The following GRIP1 variants were observed in gnomAD, a reference collection of about 807,000 sequenced individuals.
The protein encoded by GRIP1 is glutamate receptor interacting protein 1.
A neutral mutation model predicts 129.9 loss-of-function variants in GRIP1; 45 were observed. The observed-to-expected ratio is 0.35, with a 90% CI of 0.27 to 0.44. The LOEUF is 0.44. GRIP1 is among the 20% of genes least tolerant of loss of function. The probability of loss-of-function intolerance (pLI) is 1.00; values close to 1 mark genes in which losing one functional copy is unlikely to be tolerated. For missense variants in GRIP1, 1,196 were observed against 1,396.8 expected, an observed-to-expected ratio of 0.86 and a Z score of 2.29; for synonymous variants, 530 against 520.8, an observed-to-expected ratio of 1.02 and a Z score of -0.24.
intron 1 of GRIP1, among the ~76,000 whole-genome samples, chr12:66,928,455 T>G (rs2041332330): frequency 6.6e-6 from 1 of 152,226 alleles, no homozygotes; most frequent in African/African-American, 2.4e-5. Context: ...AAGCCCTTTC[T>G]TTGAATTGAC....
At chr12:66,856,727 G>A (rs796416898) in intron 1 of GRIP1, among the ~76,000 whole-genome samples, 1 of 151,398 alleles carries the variant, frequency 6.6e-6, no homozygotes, top group Non-Finnish European at 1.5e-5. Context: ...GAAACAACAG[G>A]TGCTGGAGAG....
chr12:66,497,495 T>C (rs182053872), intron 7 of GRIP1, among the ~76,000 whole-genome samples: 2 of 151,884 alleles, frequency 1.3e-5, no homozygotes, highest in Non-Finnish European at 2.9e-5. Context: ...AACAAGAGCA[T>C]TGGGAATCAA....
At position 66,909,138 on chromosome 12, in the gene GRIP1, TTCTC is replaced by T. The variant is rs763170322; in HGVS notation, c.58+159908_58+159911del. On this transcript the variant is annotated intron_variant, in intron 1 of 1. Transcript: ENST00000643019. ...TAATCTTTTTGAAAAATCTCCTTCC[TTCTC>T]TCTATCCTTGTTATCATTCATGTCT... Among the ~76,000 whole-genome samples, 25 of 152,366 alleles carry T rather than the reference TTCTC, an allele frequency of 1.6e-4. No homozygotes were observed. The East Asian group carries it at 4.2e-3, about 26-fold the overall frequency.
At chr12:66,792,088 T>C (rs1037410860) in intron 1 of GRIP1, among the ~76,000 whole-genome samples, 7 of 152,062 alleles carry the variant, frequency 4.6e-5, no homozygotes, top group Admixed American at 2.0e-4. Flanking sequence ...GATACAAAAA[T>C]AGAGAAAGAA....
At chr12:66,562,744 C>G (rs760423692) in intron 2 of GRIP1, among the ~76,000 whole-genome samples, 7 of 152,116 alleles carry the variant, frequency 4.6e-5, no homozygotes, top group Non-Finnish European at 1.0e-4. Flanking sequence ...ACCCCCGACC[C>G]CCTGCCGCAC....
At chr12:66,362,142 CTTTTTTTTTTT>C (rs10589880) in intron 23 of GRIP1, among the ~76,000 whole-genome samples, 1 of 91,682 alleles carries the variant, frequency 1.1e-5, no homozygotes, top group Non-Finnish European at 2.0e-5. Context: ...CCAATTTAAT[CTTTTTTTTTTT>C]TTTTTTTTTT....
chr12:66,452,084 C>T (rs17245927), intron 11 of GRIP1, among the ~76,000 whole-genome samples: 35,093 of 152,148 alleles, frequency 0.23, 4,532 homozygotes, highest in Middle Eastern at 0.42. Context: ...TACTCTTTGC[C>T]GCAATTCAGG....
intron 6 of GRIP1, among the ~76,000 whole-genome samples, chr12:66,516,732 G>A (rs2060854596): frequency 6.6e-6 from 1 of 152,164 alleles, no homozygotes; most frequent in Admixed American, 6.6e-5. Context: ...GAAGGGAAAA[G>A]GGGAAACTCT....
intron 1 of GRIP1, among the ~76,000 whole-genome samples, chr12:66,640,527 T>G (rs2031827646): frequency 6.6e-6 from 1 of 152,204 alleles, no homozygotes; most frequent in African/African-American, 2.4e-5. Context: ...CGAAGTTGAT[T>G]TTGAGAGTGA....
intron 1 of GRIP1, among the ~76,000 whole-genome samples, chr12:66,670,498 A>C (rs912028309): frequency 2.6e-5 from 4 of 152,164 alleles, no homozygotes; most frequent in African/African-American, 9.7e-5. Flanking sequence ...TCAGATTTGC[A>C]GGGGTGTTCA....
At chr12:66,910,030 A>C (rs147104987) in intron 1 of GRIP1, among the ~76,000 whole-genome samples, 13 of 152,298 alleles carry the variant, frequency 8.5e-5, no homozygotes, top group African/African-American at 2.2e-4. Flanking sequence ...ATTTAATCAA[A>C]GTCTTCTTTT....
chr12:66,458,167 C>G (rs931397027), intron 9 of GRIP1, among the ~76,000 whole-genome samples: 4 of 152,168 alleles, frequency 2.6e-5, no homozygotes, highest in Non-Finnish European at 5.9e-5. Context: ...CCTAAACCAT[C>G]TGGTCTGCTC....
intron 1 of GRIP1, among the ~76,000 whole-genome samples, chr12:67,054,693 G>A (rs1241092800): frequency 2.0e-5 from 3 of 151,926 alleles, no homozygotes; most frequent in Non-Finnish European, 4.4e-5. Flanking sequence ...GAACCCGGGA[G>A]GTAGAGGCTG....
chr12:66,762,628 A>G (rs868356365), intron 1 of GRIP1, among the ~76,000 whole-genome samples: 1 of 152,176 alleles, frequency 6.6e-6, no homozygotes, highest in African/African-American at 2.4e-5. Flanking sequence ...GGTTCAATTC[A>G]ATTCTACAAA....
intron 1 of GRIP1, among the ~76,000 whole-genome samples, chr12:66,608,302 C>T (rs112551041): frequency 0.035 from 5,389 of 152,192 alleles, 111 homozygotes; most frequent in Middle Eastern, 0.058. Flanking sequence ...AAACACAAAA[C>T]CTCACAAAAG....
intron 1 of GRIP1, among the ~76,000 whole-genome samples, chr12:66,887,499 A>T (rs553389363): frequency 3.2e-4 from 48 of 152,280 alleles, no homozygotes; most frequent in African/African-American, 1.2e-3. Context: ...TAGTACTGTT[A>T]TCATTTCTAG....
chr12:66,635,760 C>A (rs2031300373), intron 1 of GRIP1, among the ~76,000 whole-genome samples: 1 of 152,018 alleles, frequency 6.6e-6, no homozygotes, highest in East Asian at 1.9e-4. Context: ...ATACCAGTTA[C>A]CCATTAAAAA....
chr12:66,536,528 C>A (rs1179956376), intron 4 of GRIP1, among the ~76,000 whole-genome samples: 1 of 152,172 alleles, frequency 6.6e-6, no homozygotes, highest in Non-Finnish European at 1.5e-5. Context: ...CTTCCGGGAA[C>A]TCTTTTCCCC....
rs528499835 is a variant in GRIP1, at chr12:66,430,363, T to C, written c.1768+2185A>G. On this transcript the variant is annotated intron_variant, in intron 14 of 24. Coordinates refer to ENST00000359742, the MANE Select transcript of GRIP1 (RefSeq NM_001366722.1). ...CTGACAAGCATGTTTGACAAGCTCATGTATCATTTCTCTGTCCGGGAATAG... is the reference window on the plus strand; with the variant it reads ...CTGACAAGCATGTTTGACAAGCTCACGTATCATTTCTCTGTCCGGGAATAG... Among the ~76,000 whole-genome samples the C allele has an allele frequency of 1.9e-4, 29 of 152,342 alleles. No homozygotes were observed. In the South Asian group the frequency reaches 4.6e-3, roughly 24 times the overall value.
Sources: allele counts gnomAD v4.1 joint callset (sites outside exome capture counted in the v4.1 genomes callset), GRCh38; gene constraint gnomAD v4.1.1; transcripts MANE v1.5; gene names NCBI Gene and HGNC (gene_info 2026-07-23, HGNC 2026-07-21).